Variants in PLA2G4A observed in about 807,000 individuals in gnomAD.
The protein encoded by PLA2G4A is phospholipase A2 group IVA.
A neutral mutation model predicts 81.9 loss-of-function variants in PLA2G4A; 40 were observed. The observed-to-expected ratio is 0.49, with a 90% CI of 0.38 to 0.64. The LOEUF (loss-of-function observed/expected upper bound fraction) is 0.64, where lower values mean the gene tolerates loss of function less well. Ranked by LOEUF, PLA2G4A falls within the 30% of genes least tolerant of loss-of-function variation. The pLI, the probability that PLA2G4A is intolerant of heterozygous loss-of-function variation, is 0.00. For missense variants in PLA2G4A, 715 were observed against 905.1 expected, an observed-to-expected ratio of 0.79 and a Z score of 2.69; for synonymous variants, 302 against 296.9, an observed-to-expected ratio of 1.02 and a Z score of -0.18.
chr1:186,870,399 A>C (rs1474910761), intron 2 of PLA2G4A, 36 bp from the exon 3 acceptor site: 1 of 1,229,116 alleles, frequency 8.1e-7, no homozygotes. Context: ...TCTATGTTGG[A>C]AGCTTATTTT....
At chr1:186,894,987 T>A (rs933094666) in intron 5 of PLA2G4A, among the ~76,000 whole-genome samples, 31 of 152,312 alleles carry the variant, frequency 2.0e-4, no homozygotes, top group African/African-American at 7.2e-4. Context: ...ATCTTTAGAA[T>A]GACTTTCCAA....
At chr1:186,900,074 CTG>C (rs1484606858) in intron 5 of PLA2G4A, among the ~76,000 whole-genome samples, 1 of 152,116 alleles carries the variant, frequency 6.6e-6, no homozygotes, top group Non-Finnish European at 1.5e-5. Flanking sequence ...CTGGGTTAAA[CTG>C]TATTTGTTGG....
At chr1:186,916,873 A>G (rs1280300488) in intron 7 of PLA2G4A, among the ~76,000 whole-genome samples, 1 of 152,208 alleles carries the variant, frequency 6.6e-6, no homozygotes, top group African/African-American at 2.4e-5. Context: ...GGAAGTGTCT[A>G]CTATACAAGT....
intron 17 of PLA2G4A, among the ~76,000 whole-genome samples, chr1:186,987,333 G>A (rs1657922782): frequency 6.6e-6 from 1 of 152,264 alleles, no homozygotes; most frequent in African/African-American, 2.4e-5. Context: ...GTCCTAAACT[G>A]ATCAGACTTG....
chr1:186,980,846 C>T (rs546847089), intron 17 of PLA2G4A, among the ~76,000 whole-genome samples: 8 of 152,088 alleles, frequency 5.3e-5, no homozygotes, highest in South Asian at 2.1e-4. Flanking sequence ...TTTTTTCAGC[C>T]TTCATTTACA....
intron 3 of PLA2G4A, among the ~76,000 whole-genome samples, chr1:186,889,300 T>A (rs923106451): frequency 2.0e-5 from 3 of 152,216 alleles, no homozygotes; most frequent in Non-Finnish European, 4.4e-5. Flanking sequence ...ATGATCCACA[T>A]CAGTGTCAGC....
chr1:186,969,553 C>A (rs1259093357), intron 15 of PLA2G4A, among the ~76,000 whole-genome samples: 1 of 151,974 alleles, frequency 6.6e-6, no homozygotes, highest in South Asian at 2.1e-4. Flanking sequence ...CTCTTTATTT[C>A]CCCTTTCCAC....
Position 186,893,896 on chromosome 1 carries a change from C to A in PLA2G4A, c.265-202C>A, listed in dbSNP as rs545665042. ...CCGAGATCCCGCCACTGCACTCCAG[C>A]CTGGTGAGTGAGACCCTGTCTCAAA... On this transcript the variant is annotated intron_variant, in intron 4 of 17. Coordinates refer to ENST00000367466, the MANE Select transcript of PLA2G4A (RefSeq NM_024420.3). Among the ~76,000 whole-genome samples the A allele has an allele frequency of 1.6e-4, 24 of 146,644 alleles. No individual in the cohort carries two copies. In the South Asian group the frequency reaches 5.3e-3, roughly 32 times the overall value.
At chr1:186,926,132 G>A (rs534324519) in intron 7 of PLA2G4A, among the ~76,000 whole-genome samples, 2 of 152,254 alleles carry the variant, frequency 1.3e-5, no homozygotes, top group African/African-American at 4.8e-5. Flanking sequence ...ACATTGGTTG[G>A]CATTTTTTCT....
intron 6 of PLA2G4A, among the ~76,000 whole-genome samples, chr1:186,910,958 C>G (rs1393009541): frequency 6.6e-6 from 1 of 152,170 alleles, no homozygotes; most frequent in African/African-American, 2.4e-5. Context: ...TTACTGAAGC[C>G]CTTCCAAGTC....
intron 7 of PLA2G4A, among the ~76,000 whole-genome samples, chr1:186,931,473 G>T (rs1655740719): frequency 6.6e-6 from 1 of 151,368 alleles, no homozygotes; most frequent in African/African-American, 2.4e-5. Flanking sequence ...ATAAGATCTG[G>T]CCTCTGCAGA....
chr1:186,887,678 G>C (rs1653983732), intron 3 of PLA2G4A, among the ~76,000 whole-genome samples: 1 of 152,100 alleles, frequency 6.6e-6, no homozygotes. Context: ...GGTGTTAATT[G>C]ACAAAGCCAT....
chr1:186,957,921 G>T (rs1036562092), intron 14 of PLA2G4A, among the ~76,000 whole-genome samples: 1 of 152,042 alleles, frequency 6.6e-6, no homozygotes, highest in Admixed American at 6.6e-5. Context: ...TATGTCTAAG[G>T]ACATTTTGAT....
chr1:186,902,233 G>A (rs1016168478), intron 5 of PLA2G4A, among the ~76,000 whole-genome samples: 8 of 151,998 alleles, frequency 5.3e-5, no homozygotes, highest in Non-Finnish European at 8.8e-5. Flanking sequence ...AATCTTATGG[G>A]GACCACTATT....
chr1:186,836,743 C>G (rs906335946), intron 1 of PLA2G4A, among the ~76,000 whole-genome samples: 1 of 152,322 alleles, frequency 6.6e-6, no homozygotes, highest in Non-Finnish European at 1.5e-5. Context: ...ATGCTAGGTA[C>G]TGTGCTACAT....
chr1:186,871,982 C>T (rs1379214457), intron 3 of PLA2G4A, among the ~76,000 whole-genome samples: 1 of 151,944 alleles, frequency 6.6e-6, no homozygotes, highest in African/African-American at 2.4e-5. Context: ...CTCATATCAT[C>T]AGTGAATGAG....
intron 1 of PLA2G4A, among the ~76,000 whole-genome samples, chr1:186,845,887 T>G (rs1281177572): frequency 6.6e-6 from 1 of 152,140 alleles, no homozygotes; most frequent in Non-Finnish European, 1.5e-5. Context: ...CTCTCATTCA[T>G]GTTCTGAAAG....
chr1:186,856,820 G>A (rs939670897), intron 2 of PLA2G4A, among the ~76,000 whole-genome samples: 14 of 151,572 alleles, frequency 9.2e-5, no homozygotes, highest in African/African-American at 2.9e-4. Context: ...AAGGTTAGCA[G>A]AAATTTGTCA....
At chr1:186,983,695 AT>A (rs1420189566) in intron 17 of PLA2G4A, among the ~76,000 whole-genome samples, 4 of 113,200 alleles carry the variant, frequency 3.5e-5, no homozygotes, top group East Asian at 2.8e-4. Flanking sequence ...TAGTATTTCA[AT>A]TTTTTTTCCT....
Sources: gnomAD v4.1 joint callset for allele counts (sites outside exome capture counted in the v4.1 genomes callset) on GRCh38, gnomAD v4.1.1 for gene constraint, MANE v1.5 for transcripts, NCBI Gene and HGNC (gene_info 2026-07-23, HGNC 2026-07-21) for gene names.